SETD2: variants seen among roughly 807,000 people sequenced by gnomAD.
SETD2 encodes histone-lysine N-methyltransferase SETD2.
A neutral mutation model predicts 242.1 loss-of-function variants in SETD2; 31 were observed. That is an observed-to-expected ratio of 0.13 (90% CI 0.10 to 0.17). The LOEUF (loss-of-function observed/expected upper bound fraction) is 0.17, where lower values mean the gene tolerates loss of function less well. SETD2 is among the 10% of genes least tolerant of loss of function. The pLI, the probability that SETD2 is intolerant of heterozygous loss-of-function variation, is 1.00. For synonymous variants in SETD2, 1,006 were observed against 1,066.5 expected (o/e 0.94, Z 1.11); for missense variants, 2,481 against 3,046.3 (o/e 0.81, Z 4.37).
At chr3:47,150,453 T>G (rs767493696) in intron 1 of SETD2, among the ~76,000 whole-genome samples, 1 of 152,042 alleles carries the variant, frequency 6.6e-6, no homozygotes, top group Non-Finnish European at 1.5e-5. Context: ...TCTGAGAAAT[T>G]TGGATAGAAA....
Position 47,068,491 on chromosome 3 carries a change from A to T in SETD2, c.6061-1373T>A, listed in dbSNP as rs868620751. Among the ~76,000 whole-genome samples the T allele has an allele frequency of 2.5e-5, 3 of 122,100 alleles. 1 individual carries two copies. Among genetic ancestry groups the T allele is most frequent in the African/African-American group, 7.9e-5 (2 of 25,326 alleles). 80.1% of individuals were successfully genotyped at this position (122,100 alleles called of 152,430 possible). A position where few individuals can be genotyped will look rare whatever the true frequency, so the allele number is the denominator to read the frequency against. ...TCATGCTGAACATTTCAAATACACT[A>T]TCTTTTTTTTTTTTTTTTTTTTTGA... On this transcript the variant is annotated intron_variant, in intron 12 of 20. Transcript: ENST00000409792.
At chr3:47,027,783 T>G (rs889155514) in intron 18 of SETD2, among the ~76,000 whole-genome samples, 1 of 124,922 alleles carries the variant, frequency 8.0e-6, no homozygotes, top group Admixed American at 7.9e-5. Flanking sequence ...CTGCTGCTGG[T>G]TTTTTTTTTT....
chr3:47,044,177 C>T (rs977181818), intron 16 of SETD2, among the ~76,000 whole-genome samples: 13 of 151,580 alleles, frequency 8.6e-5, no homozygotes, highest in African/African-American at 2.9e-4. Context: ...CCTGTCTCTA[C>T]TAAAAATACA....
At chr3:47,145,019 A>G (rs1431655790) in intron 1 of SETD2, among the ~76,000 whole-genome samples, 2 of 152,238 alleles carry the variant, frequency 1.3e-5, no homozygotes, top group African/African-American at 4.8e-5. Context: ...TATGGCTTGG[A>G]ATTAAATAGT....
chr3:47,147,653 G>C (rs1254967460), intron 1 of SETD2, among the ~76,000 whole-genome samples: 1 of 151,478 alleles, frequency 6.6e-6, no homozygotes, highest in African/African-American at 2.4e-5. Context: ...GCCGGGCGCG[G>C]TGGCTCACTC....
chr3:47,149,739 T>G (rs1408950906), intron 1 of SETD2, among the ~76,000 whole-genome samples: 1 of 152,200 alleles, frequency 6.6e-6, no homozygotes, highest in African/African-American at 2.4e-5. Flanking sequence ...TTAGCACAGG[T>G]CTGGCATTCA....
chr3:47,037,287 C>A (rs1416844627), intron 18 of SETD2, among the ~76,000 whole-genome samples: 1 of 121,704 alleles, frequency 8.2e-6, no homozygotes, highest in East Asian at 3.0e-4. Flanking sequence ...CCCCTCCCCC[C>A]CACCCCACAA....
chr3:47,050,280 T>C (rs1259978635), intron 15 of SETD2, among the ~76,000 whole-genome samples: 1 of 151,900 alleles, frequency 6.6e-6, no homozygotes, highest in Non-Finnish European at 1.5e-5. Flanking sequence ...TGTATCAACA[T>C]AAAAAAACAA....
At chr3:47,141,017 G>C (rs1269883721) in intron 1 of SETD2, among the ~76,000 whole-genome samples, 3 of 151,902 alleles carry the variant, frequency 2.0e-5, no homozygotes, top group Non-Finnish European at 2.9e-5. Flanking sequence ...TTTTTTGTGA[G>C]ACAGGATCTC....
chr3:47,124,090 A>AGTGAGATGAATGCTTCTT lies in SETD2; in HGVS notation c.545_546insAAGAAGCATTCATCTCAC (p.Thr182_Val183insArgSerIleHisLeuThr). Reference sequence around the variant, plus strand: ...GCGGAGATGAGGGCGGTGAGTCTACAGTTGTTGATTCTGCTATCACTGCTG... The same window carrying AGTGAGATGAATGCTTCTT: ...GCGGAGATGAGGGCGGTGAGTCTACAGTGAGATGAATGCTTCTTGTTGTTGATTCTGCTATCACTGCTG... On this transcript the variant is annotated inframe_insertion, in exon 3 of 21. Coordinates refer to ENST00000409792, the MANE Select transcript of SETD2 (RefSeq NM_014159.7). 1 of 1,551,902 alleles carries AGTGAGATGAATGCTTCTT rather than the reference A, an allele frequency of 6.4e-7. No individual in the cohort carries two copies. The highest frequency in any genetic ancestry group is 1.4e-5 in the African/African-American group (1 of 73,158).
At chr3:47,031,345 G>A (rs1343756991) in intron 18 of SETD2, among the ~76,000 whole-genome samples, 3 of 152,176 alleles carry the variant, frequency 2.0e-5, no homozygotes, top group South Asian at 2.1e-4. Flanking sequence ...AAGCTTGTGC[G>A]TGTGTAGTGA....
intron 7 of SETD2, among the ~76,000 whole-genome samples, chr3:47,102,772 C>CAAAA (rs5848821): frequency 2.0e-5 from 2 of 97,890 alleles, no homozygotes; most frequent in Non-Finnish European, 3.9e-5. Flanking sequence ...CCAGCCTGGG[C>CAAAA]AAAAAAAAAA....
chr3:47,072,520 A>G (rs781018203), intron 12 of SETD2, among the ~76,000 whole-genome samples: 8 of 151,922 alleles, frequency 5.3e-5, no homozygotes, highest in Non-Finnish European at 8.8e-5. Flanking sequence ...TGAGAAAGAG[A>G]AAAAAAGACT....
rs903074451 is a variant in SETD2 at position 47,064,757 on chromosome 3, T to A, written c.6109+2313A>T. On this transcript the variant is annotated intron_variant, in intron 13 of 20. Coordinates refer to ENST00000409792, the MANE Select transcript of SETD2 (RefSeq NM_014159.7). ...AAATGGAAACCAGGCTTATATATAT[T>A]ATATATATGTAAATATATATAAAAT... 11 of 159,348 alleles carry A rather than the reference T, an allele frequency of 6.9e-5. 1 individual carries two copies. Among genetic ancestry groups the A allele is most frequent in the Admixed American group, 4.7e-4 (7 of 14,818 alleles). The allele number at this position is 159,348 out of a possible 1,614,324, so 9.9% of individuals were successfully genotyped here. A position where few individuals can be genotyped will look rare whatever the true frequency, so the allele number is the denominator to read the frequency against.
At chr3:47,065,060 ATAGGTATT>A (rs891185776) in intron 13 of SETD2, among the ~76,000 whole-genome samples, 1 of 152,178 alleles carries the variant, frequency 6.6e-6, no homozygotes, top group Non-Finnish European at 1.5e-5. Flanking sequence ...AGAAACGCTC[ATAGGTATT>A]TAAGCTTTGC....
intron 12 of SETD2, among the ~76,000 whole-genome samples, chr3:47,078,519 CTTTTTTTTTTTTT>C (rs71098448): frequency 5.6e-5 from 4 of 71,280 alleles, no homozygotes; most frequent in East Asian, 8.9e-4. Context: ...GATTCTCAGC[CTTTTTTTTTTTTT>C]TTTTTTTTTT....
At chr3:47,148,331 A>G (rs1190837113) in intron 1 of SETD2, among the ~76,000 whole-genome samples, 1 of 151,976 alleles carries the variant, frequency 6.6e-6, no homozygotes, top group Non-Finnish European at 1.5e-5. Flanking sequence ...GGGTTTTGCC[A>G]TGTTGCCCAG....
intron 18 of SETD2, among the ~76,000 whole-genome samples, chr3:47,037,364 G>C (rs1287089516): frequency 7.3e-6 from 1 of 137,460 alleles, no homozygotes; most frequent in Admixed American, 8.5e-5. Context: ...TCCCACCTAT[G>C]AGTGAGAACG....
At chr3:47,018,632 C>T (rs982518192) in intron 19 of SETD2, among the ~76,000 whole-genome samples, 6 of 152,176 alleles carry the variant, frequency 3.9e-5, no homozygotes, top group Non-Finnish European at 7.4e-5. Flanking sequence ...CAAGGTTTTT[C>T]TGGGGTTTCC....
Sources: allele counts gnomAD v4.1 joint callset (sites outside exome capture counted in the v4.1 genomes callset), GRCh38; gene constraint gnomAD v4.1.1; transcripts MANE v1.5; gene names NCBI Gene and HGNC (gene_info 2026-07-23, HGNC 2026-07-21).